Variants in RSRC1 observed in about 807,000 individuals in gnomAD.
The protein encoded by RSRC1 is serine/Arginine-related protein 53.
A neutral mutation model predicts 49.1 loss-of-function variants in RSRC1; 39 were observed. The observed-to-expected ratio is 0.79, with a 90% CI of 0.61 to 1.04. The LOEUF (loss-of-function observed/expected upper bound fraction) is 1.04, where lower values mean the gene tolerates loss of function less well. Ranked by LOEUF, RSRC1 falls within the 50% of genes least tolerant of loss-of-function variation. RSRC1 has a pLI of 0.00. For synonymous variants in RSRC1, 143 were observed against 130.8 expected, an observed-to-expected ratio of 1.09 and a Z score of -0.63; for missense variants, 388 against 402.4, an observed-to-expected ratio of 0.96 and a Z score of 0.31.
intron 6 of RSRC1, among the ~76,000 whole-genome samples, chr3:158,388,944 A>C (rs1229641089): frequency 6.6e-6 from 1 of 152,166 alleles, no homozygotes; most frequent in Non-Finnish European, 1.5e-5. Context: ...ACCCCTTGAA[A>C]TATACTATCA....
In RSRC1 at chr3:158,123,838, A is replaced by G. The variant is rs1019793775; in HGVS notation, c.195-28A>G. 3.8e-6 allele frequency: 6 copies of G among 1,580,946 alleles called. No individual in the cohort carries two copies. In the African/African-American group the frequency reaches 8.2e-5, roughly 22 times the overall value. ...TGCTCATAATAAAAATTTTTATAGC[A>G]GTGATCTTTGATTATATTTTATTTC... On this transcript the variant is annotated intron_variant, in intron 2 of 9. Coordinates refer to ENST00000611884, the MANE Select transcript of RSRC1 (RefSeq NM_001271838.2).
intron 3 of RSRC1, among the ~76,000 whole-genome samples, chr3:158,190,907 G>A (rs193174156): frequency 2.0e-3 from 293 of 148,906 alleles, no homozygotes; most frequent in African/African-American, 6.0e-3. Context: ...AGCATCGTGA[G>A]GTGGAGTTTC....
intron 4 of RSRC1, among the ~76,000 whole-genome samples, chr3:158,235,252 T>C (rs1723177914): frequency 6.6e-6 from 1 of 151,594 alleles, no homozygotes; most frequent in African/African-American, 2.4e-5. Flanking sequence ...AGGTTGAACA[T>C]TGTTTGTCCT....
At chr3:158,491,308 T>TGG (rs1739073955) in intron 7 of RSRC1, among the ~76,000 whole-genome samples, 1 of 152,230 alleles carries the variant, frequency 6.6e-6, no homozygotes, top group Non-Finnish European at 1.5e-5. Flanking sequence ...GTTCTTCATG[T>TGG]GGATCCCTAG....
chr3:158,450,440 A>G (rs1736964933), intron 6 of RSRC1, among the ~76,000 whole-genome samples: 1 of 151,092 alleles, frequency 6.6e-6, no homozygotes, highest in South Asian at 2.1e-4. Context: ...ATGGACGCAT[A>G]TGGTGTTTGA....
chr3:158,523,659 T>C (rs966452727), intron 7 of RSRC1, among the ~76,000 whole-genome samples: 5 of 151,936 alleles, frequency 3.3e-5, no homozygotes, highest in Admixed American at 6.6e-5. Flanking sequence ...CCTTTTAAGA[T>C]TTTTTATGAT....
At chr3:158,252,318 C>T (rs538857841) in intron 4 of RSRC1, among the ~76,000 whole-genome samples, 17 of 141,756 alleles carry the variant, frequency 1.2e-4, no homozygotes, top group Admixed American at 5.0e-4. Context: ...CCCGCCACCA[C>T]GCCCGGCTAA....
At chr3:158,254,439 C>CTT (rs567369900) in intron 4 of RSRC1, among the ~76,000 whole-genome samples, 1 of 149,590 alleles carries the variant, frequency 6.7e-6, no homozygotes, top group Non-Finnish European at 1.5e-5. Context: ...TGTTTCCTGA[C>CTT]TTTTTTTTTT....
At chr3:158,286,963 A>AC (rs1189594291) in intron 4 of RSRC1, among the ~76,000 whole-genome samples, 3 of 152,126 alleles carry the variant, frequency 2.0e-5, no homozygotes, top group African/African-American at 7.2e-5. Flanking sequence ...AGTATCTGGG[A>AC]CTACAGCTGC....
intron 7 of RSRC1, among the ~76,000 whole-genome samples, chr3:158,491,076 T>C (rs1739066100): frequency 6.6e-6 from 1 of 152,222 alleles, no homozygotes; most frequent in African/African-American, 2.4e-5. Context: ...TAATTGTCTT[T>C]TGCTGCCCTA....
At chr3:158,452,082 G>T (rs1001922305) in intron 6 of RSRC1, among the ~76,000 whole-genome samples, 7 of 152,074 alleles carry the variant, frequency 4.6e-5, no homozygotes, top group Non-Finnish European at 1.5e-5. Context: ...ATAGTGACAT[G>T]TGCATGGAAG....
At chr3:158,123,321 T>A (rs1228251444) in intron 2 of RSRC1, among the ~76,000 whole-genome samples, 1 of 152,034 alleles carries the variant, frequency 6.6e-6, no homozygotes, top group Non-Finnish European at 1.5e-5. Context: ...TTTTAAATTT[T>A]TTTAGAGACA....
At chr3:158,119,832 C>CTTTTTTTT (rs35646318) in intron 1 of RSRC1, among the ~76,000 whole-genome samples, 1 of 129,052 alleles carries the variant, frequency 7.7e-6, no homozygotes, top group Non-Finnish European at 1.6e-5. Flanking sequence ...ATTTCATAGT[C>CTTTTTTTT]TTTTTTTTTT....
intron 5 of RSRC1, among the ~76,000 whole-genome samples, chr3:158,317,988 C>G (rs1473258515): frequency 6.6e-6 from 1 of 152,068 alleles, no homozygotes; most frequent in Non-Finnish European, 1.5e-5. Flanking sequence ...AACACTAACT[C>G]ATAAACTTTC....
At chr3:158,345,438 A>C (rs972127457) in intron 5 of RSRC1, among the ~76,000 whole-genome samples, 9 of 152,288 alleles carry the variant, frequency 5.9e-5, no homozygotes, top group African/African-American at 1.2e-4. Flanking sequence ...AAAATGGTGG[A>C]AAAAGATATA....
chr3:158,263,158 A>G (rs1724990894), intron 4 of RSRC1, among the ~76,000 whole-genome samples: 1 of 152,252 alleles, frequency 6.6e-6, no homozygotes, highest in African/African-American at 2.4e-5. Context: ...TGTTATCAAG[A>G]TAATTTTAGT....
chr3:158,163,868 C>A (rs548155456), intron 3 of RSRC1, among the ~76,000 whole-genome samples: 1 of 151,344 alleles, frequency 6.6e-6, no homozygotes, highest in Non-Finnish European at 1.5e-5. Context: ...TTCCCAGCAC[C>A]GTGAAAAGTA....
rs189246344 is a variant in RSRC1 at position 158,480,093 on chromosome 3, G to A, written c.652+19090G>A. On this transcript the variant is annotated intron_variant, in intron 7 of 9. Coordinates refer to ENST00000611884, the MANE Select transcript of RSRC1 (RefSeq NM_001271838.2). ...CATAGAAAACTACATGGGGATGAAAGGAATCAAGGTCATACAAATAGGAAA... is the reference window on the plus strand; with the variant it reads ...CATAGAAAACTACATGGGGATGAAAAGAATCAAGGTCATACAAATAGGAAA... Among the ~76,000 whole-genome samples the A allele has an allele frequency of 4.3e-3, 650 of 152,076 alleles. 3 individuals carry two copies. The highest frequency in any genetic ancestry group is 5.1e-3 in the Non-Finnish European group (347 of 67,934).
intron 6 of RSRC1, among the ~76,000 whole-genome samples, chr3:158,434,449 A>G (rs962066146): frequency 1.3e-5 from 2 of 151,964 alleles, no homozygotes; most frequent in African/African-American, 4.8e-5. Flanking sequence ...TTATTTTATT[A>G]TAAAGGAATT....
Sources: allele counts gnomAD v4.1 joint callset (sites outside exome capture counted in the v4.1 genomes callset), GRCh38; gene constraint gnomAD v4.1.1; transcripts MANE v1.5; gene names NCBI Gene and HGNC (gene_info 2026-07-23, HGNC 2026-07-21).